The following MTFMT variants were observed in gnomAD, a reference collection of about 807,000 sequenced individuals.
MTFMT encodes methionyl-tRNA formyltransferase, mitochondrial.
In MTFMT, 47 loss-of-function variants were observed where a neutral mutation model predicts 51.8. The ratio of observed to expected loss-of-function variants is 0.91; its 90% CI spans 0.72 to 1.16. The LOEUF (loss-of-function observed/expected upper bound fraction) is 1.16, where lower values mean the gene tolerates loss of function less well. Among genes scored for constraint, MTFMT ranks in the 50% most tolerant of loss-of-function variants. The pLI is 0.00. For synonymous variants in MTFMT, 196 were observed against 176.7 expected (o/e 1.11, Z -0.87); for missense variants, 512 against 482.3 (o/e 1.06, Z -0.58).
rs569323101 is a variant in MTFMT, at chr15:65,002,253, A to G, written c.*809T>C. 1 of 151,674 alleles carries G rather than the reference A, an allele frequency of 6.6e-6. No individual in the cohort carries two copies. Among genetic ancestry groups the G allele is most frequent in the African/African-American group, 2.4e-5 (1 of 41,124 alleles). The allele number at this position is 151,674 out of a possible 1,614,324, so 9.4% of individuals were successfully genotyped here. On this transcript the variant is annotated 3_prime_UTR_variant, in exon 9 of 9. Transcript: ENST00000220058. ...CTCTACTAAAAATACAAAAAAAAAA[A>G]TTAGCCAGGCATGGTGGCGGACGCC...
At chr15:65,004,499 T>A (rs1246186441) in intron 8 of MTFMT, among the ~76,000 whole-genome samples, 1 of 152,246 alleles carries the variant, frequency 6.6e-6, no homozygotes, top group Non-Finnish European at 1.5e-5. Context: ...TAAAAGCAAG[T>A]AGGATATGTG....
At chr15:65,016,668 A>C in intron 5 of MTFMT, 141 bp from the exon 6 acceptor site, 1 of 400,542 alleles carries the variant, frequency 2.5e-6, no homozygotes, top group Non-Finnish European at 4.5e-6. Context: ...TCCATATATC[A>C]AGTAAAAATA....
chr15:65,012,603 T>G (rs2086280579), intron 6 of MTFMT, among the ~76,000 whole-genome samples: 1 of 152,176 alleles, frequency 6.6e-6, no homozygotes, highest in African/African-American at 2.4e-5. Flanking sequence ...TTTCACCATG[T>G]TGGCCAGGCT....
intron 6 of MTFMT, among the ~76,000 whole-genome samples, chr15:65,011,929 A>G (rs1314571838): frequency 6.6e-6 from 1 of 152,106 alleles, no homozygotes; most frequent in Admixed American, 6.6e-5. Flanking sequence ...CCACTGCCTA[A>G]TTCAATGTCA....
chr15:65,002,974 A>C lies in MTFMT; in HGVS notation c.*88T>G. The C allele has an allele frequency of 1.0e-6, 1 of 967,336 alleles. No homozygotes were observed. The allele number at this position is 967,336 out of a possible 1,614,324, so 59.9% of individuals were successfully genotyped here. On this transcript the variant is annotated 3_prime_UTR_variant, in exon 9 of 9. Transcript: ENST00000220058. ...TGAGACTCTGTCTCAAAAAAAAAAA[A>C]AAAAAAAAAAGTCCAGATAATTCCT...
chr15:65,019,097 C>A (rs570106262), intron 5 of MTFMT, among the ~76,000 whole-genome samples: 2 of 152,198 alleles, frequency 1.3e-5, no homozygotes, highest in African/African-American at 4.8e-5. Context: ...TGTTAGGGAA[C>A]AGGATATCTG....
chr15:65,023,410 A>T (rs2086392354), intron 3 of MTFMT, among the ~76,000 whole-genome samples: 2 of 152,238 alleles, frequency 1.3e-5, no homozygotes, highest in African/African-American at 4.8e-5. Flanking sequence ...ATTTTATAGA[A>T]ATCCGAGTAT....
Position 65,015,663 on chromosome 15 carries a change from C to T in MTFMT, c.813+773G>A, listed in dbSNP as rs908193373. Among the ~76,000 whole-genome samples, 9 of 152,218 alleles carry T rather than the reference C, an allele frequency of 5.9e-5. No homozygotes were observed. The East Asian group carries it at 1.7e-3, about 29-fold the overall frequency. On this transcript the variant is annotated intron_variant, in intron 6 of 8. Coordinates refer to ENST00000220058, the MANE Select transcript of MTFMT (RefSeq NM_139242.4). ...ACCAGCCTGGGCAACATGGCAAAACCTCGTCTCTACAAAAAAATACAAAAA... is the reference window on the plus strand; with the variant it reads ...ACCAGCCTGGGCAACATGGCAAAACTTCGTCTCTACAAAAAAATACAAAAA...
intron 4 of MTFMT, among the ~76,000 whole-genome samples, chr15:65,021,270 TGTA>T (rs1482292263): frequency 6.6e-6 from 1 of 152,220 alleles, no homozygotes; most frequent in Non-Finnish European, 1.5e-5. Flanking sequence ...CACTATGGCA[TGTA>T]GTAGGTCATG....
rs189027265 is a variant in MTFMT, at chr15:65,014,790, G to C, written c.813+1646C>G. 2.7e-3 allele frequency among the ~76,000 whole-genome samples: 411 copies of C among 150,078 alleles called. 1 individual carries two copies. Among genetic ancestry groups the C allele is most frequent in the African/African-American group, 9.5e-3 (385 of 40,670 alleles). ...TTACAGGCGCATGCCACCACGCCCA[G>C]CTAATTTTTTTGTGTGTTTTTAGTA... On this transcript the variant is annotated intron_variant, in intron 6 of 8. Coordinates refer to ENST00000220058, the MANE Select transcript of MTFMT (RefSeq NM_139242.4).
At chr15:65,023,626 A>G in intron 3 of MTFMT, 46 bp downstream of exon 3, 1 of 1,600,868 alleles carries the variant, frequency 6.2e-7, no homozygotes, top group Middle Eastern at 1.7e-4. Flanking sequence ...GCTGACATCA[A>G]CATTTAAAAA....
chr15:65,003,084 G>A lies in MTFMT; in HGVS notation c.1148C>T (p.Ala383Val), dbSNP rs767859552. The change falls in exon 9 of 9, where the codon GCT (alanine) becomes GTT (valine). Residue 383 changes from alanine to valine, a missense_variant. Transcript: ENST00000220058. The part of the protein sequence containing the change: ...PTKKKQKKTV[A>V]MQQCIE ...TAACTACTCAATGCATTGTTGCATA[G>A]CAACAGTTTTTTTCTGCTTCTTCTT... 3.1e-6 allele frequency: 5 copies of A among 1,602,840 alleles called. No homozygotes were observed. Among genetic ancestry groups the A allele is most frequent in the Admixed American group, 3.4e-5 (2 of 59,192 alleles).
intron 4 of MTFMT, among the ~76,000 whole-genome samples, chr15:65,021,053 T>A (rs1020066249): frequency 6.6e-6 from 1 of 152,226 alleles, no homozygotes; most frequent in South Asian, 2.1e-4. Context: ...TTCAATGAAT[T>A]ATATATACAA....
chr15:65,004,986 C>T, intron 7 of MTFMT, 50 bp from the exon 8 acceptor site: 1 of 1,292,306 alleles, frequency 7.7e-7, no homozygotes, highest in Non-Finnish European at 1.1e-6. Flanking sequence ...AGCAATTATG[C>T]AACTTCATAG....
intron 2 of MTFMT, 100 bp from the exon 3 acceptor site, chr15:65,023,894 G>T: frequency 8.9e-7 from 1 of 1,125,142 alleles, no homozygotes; most frequent in Non-Finnish European, 1.2e-6. Flanking sequence ...AACTTTCCCA[G>T]AAATTTGGAA....
chr15:65,022,183 C>G (rs992580199), intron 3 of MTFMT, among the ~76,000 whole-genome samples: 23 of 152,264 alleles, frequency 1.5e-4, no homozygotes, highest in Admixed American at 1.4e-3. Flanking sequence ...ATAAGTAGGG[C>G]CAGGCGTAGT....
intron 2 of MTFMT, among the ~76,000 whole-genome samples, chr15:65,024,273 C>A (rs2086402001): frequency 6.6e-6 from 1 of 152,136 alleles, no homozygotes; most frequent in African/African-American, 2.4e-5. Context: ...TGCAGTGAAC[C>A]GAGATCACGC....
At chr15:65,029,085 C>A (rs7175761) in intron 1 of MTFMT, among the ~76,000 whole-genome samples, 2 of 151,916 alleles carry the variant, frequency 1.3e-5, no homozygotes, top group African/African-American at 4.8e-5. Context: ...TCAAAACGGG[C>A]AGGGAGGCCG....
chr15:65,005,079 C>T (rs901223736), intron 7 of MTFMT, 143 bp from the exon 8 acceptor site: 50 of 605,270 alleles, frequency 8.3e-5, no homozygotes, highest in Non-Finnish European at 1.4e-4. Flanking sequence ...CTTTGTAAAC[C>T]AAAACTTACA....
Sources: gnomAD v4.1 joint callset for allele counts (sites outside exome capture counted in the v4.1 genomes callset) on GRCh38, gnomAD v4.1.1 for gene constraint, MANE v1.5 for transcripts, NCBI Gene and HGNC (gene_info 2026-07-23, HGNC 2026-07-21) for gene names.